Variants in PDZRN4 observed in about 807,000 individuals in gnomAD.
PDZRN4 encodes PDZ domain-containing RING finger protein 4.
PDZRN4 carries 70 observed loss-of-function variants against 99.0 expected under a neutral mutation model. That is an observed-to-expected ratio of 0.71 (90% CI 0.58 to 0.86). PDZRN4 has a LOEUF of 0.86. Ranked by LOEUF, PDZRN4 falls within the 40% of genes least tolerant of loss-of-function variation. PDZRN4 has a pLI of 0.00. For missense variants in PDZRN4, 1,474 were observed against 1,331.2 expected (o/e 1.11, Z -1.67); for synonymous variants, 551 against 501.6 (o/e 1.10, Z -1.32).
intron 3 of PDZRN4, among the ~76,000 whole-genome samples, chr12:41,328,618 A>T (rs894994502): frequency 1.2e-4 from 18 of 152,168 alleles, no homozygotes; most frequent in Admixed American, 7.9e-4. Flanking sequence ...AAATCTGTTT[A>T]TATCTGTCTG....
At chr12:41,331,190 AG>A (rs1951739356) in intron 3 of PDZRN4, among the ~76,000 whole-genome samples, 1 of 152,126 alleles carries the variant, frequency 6.6e-6, no homozygotes, top group Admixed American at 6.6e-5. Flanking sequence ...GACTATGAAA[AG>A]CTGAGAAGTA....
At chr12:41,390,384 T>C (rs1240674830) in intron 3 of PDZRN4, among the ~76,000 whole-genome samples, 1 of 152,086 alleles carries the variant, frequency 6.6e-6, no homozygotes, top group African/African-American at 2.4e-5. Context: ...TTGATTGGGC[T>C]GCTCATTTGT....
chr12:41,452,631 A>T (rs1470900220), intron 3 of PDZRN4, among the ~76,000 whole-genome samples: 4 of 152,148 alleles, frequency 2.6e-5, no homozygotes, highest in African/African-American at 9.7e-5. Context: ...ATAGAGACCC[A>T]CAGAGTCAAA....
chr12:41,493,900 A>AGG, intron 3 of PDZRN4, among the ~76,000 whole-genome samples: 1 of 89,410 alleles, frequency 1.1e-5, no homozygotes, highest in African/African-American at 4.3e-5. Flanking sequence ...TAAAAAAATA[A>AGG]TGGGGGGGGG....
At chr12:41,304,656 C>G (rs545151314) in intron 3 of PDZRN4, among the ~76,000 whole-genome samples, 1 of 152,212 alleles carries the variant, frequency 6.6e-6, no homozygotes, top group South Asian at 2.1e-4. Flanking sequence ...AGACATTCTG[C>G]CAAATGCTAG....
At chr12:41,434,282 T>C (rs1952610201) in intron 3 of PDZRN4, among the ~76,000 whole-genome samples, 1 of 152,210 alleles carries the variant, frequency 6.6e-6, no homozygotes, top group Non-Finnish European at 1.5e-5. Context: ...TATGCTCCTC[T>C]GTTCTCTGCA....
intron 3 of PDZRN4, among the ~76,000 whole-genome samples, chr12:41,246,319 C>T (rs1251907840): frequency 6.6e-6 from 1 of 152,042 alleles, no homozygotes; most frequent in Non-Finnish European, 1.5e-5. Context: ...TTCAACTGTA[C>T]AGTTAATTGT....
intron 3 of PDZRN4, among the ~76,000 whole-genome samples, chr12:41,231,793 G>T (rs1436430989): frequency 1.3e-5 from 2 of 151,958 alleles, no homozygotes; most frequent in Admixed American, 1.3e-4. Context: ...ACTACATCTT[G>T]AGTTGTGGTC....
chr12:41,399,484 C>A (rs922788485), intron 3 of PDZRN4, among the ~76,000 whole-genome samples: 2 of 152,140 alleles, frequency 1.3e-5, no homozygotes, highest in Non-Finnish European at 2.9e-5. Flanking sequence ...CCTGTAATCC[C>A]AGTACTTTGG....
chr12:41,267,674 CAAAAAA>C (rs5797720), intron 3 of PDZRN4, among the ~76,000 whole-genome samples: 1 of 139,122 alleles, frequency 7.2e-6, no homozygotes, highest in Non-Finnish European at 1.6e-5. Context: ...ACTAAAAATA[CAAAAAA>C]AAAAAAAAAA....
chr12:41,339,824 G>T (rs754425706), intron 3 of PDZRN4, among the ~76,000 whole-genome samples: 1 of 151,982 alleles, frequency 6.6e-6, no homozygotes, highest in Non-Finnish European at 1.5e-5. Context: ...ATGAAAAGAA[G>T]ATCAACATCA....
At chr12:41,533,136 T>C (rs567917472) in intron 5 of PDZRN4, among the ~76,000 whole-genome samples, 2 of 152,152 alleles carry the variant, frequency 1.3e-5, no homozygotes, top group Admixed American at 1.3e-4. Context: ...ACATCCAAGT[T>C]CAGAAATATT....
At chr12:41,466,985 C>A (rs1236336830) in intron 3 of PDZRN4, among the ~76,000 whole-genome samples, 2 of 152,206 alleles carry the variant, frequency 1.3e-5, no homozygotes, top group Non-Finnish European at 2.9e-5. Flanking sequence ...GCTGCTGCTG[C>A]TGACGCACCT....
At chr12:41,496,261 C>A (rs544788696) in intron 3 of PDZRN4, among the ~76,000 whole-genome samples, 1 of 152,150 alleles carries the variant, frequency 6.6e-6, no homozygotes, top group South Asian at 2.1e-4. Context: ...TAACGTGTAT[C>A]CCCAGAGAGT....
At chr12:41,547,579 C>A (rs892862177) in intron 5 of PDZRN4, among the ~76,000 whole-genome samples, 1 of 151,978 alleles carries the variant, frequency 6.6e-6, no homozygotes, top group African/African-American at 2.4e-5. Context: ...CAGCCGAGAT[C>A]ATATCACTGC....
chr12:41,519,928 C>G (rs372389584), intron 5 of PDZRN4, among the ~76,000 whole-genome samples: 2 of 152,042 alleles, frequency 1.3e-5, no homozygotes, highest in South Asian at 2.1e-4. Context: ...GGCACTTCCC[C>G]CCATCTGCCT....
intron 3 of PDZRN4, among the ~76,000 whole-genome samples, chr12:41,209,106 T>G (rs1425945302): frequency 6.6e-6 from 1 of 151,898 alleles, no homozygotes; most frequent in African/African-American, 2.4e-5. Context: ...TAAGATAATT[T>G]TTTAATTTTT....
At chr12:41,395,985 A>T (rs1432752046) in intron 3 of PDZRN4, among the ~76,000 whole-genome samples, 1 of 152,132 alleles carries the variant, frequency 6.6e-6, no homozygotes, top group African/African-American at 2.4e-5. Context: ...CCACAAAAAG[A>T]GTAAGAATTT....
intron 5 of PDZRN4, among the ~76,000 whole-genome samples, chr12:41,540,487 G>C (rs1350187744): frequency 6.6e-6 from 1 of 152,068 alleles, no homozygotes; most frequent in African/African-American, 2.4e-5. Flanking sequence ...TGTTTTCTAT[G>C]TAAAACCTTT....
Sources: allele counts gnomAD v4.1 joint callset (sites outside exome capture counted in the v4.1 genomes callset), GRCh38; gene constraint gnomAD v4.1.1; transcripts MANE v1.5; gene names NCBI Gene and HGNC (gene_info 2026-07-23, HGNC 2026-07-21).